Variants in KCNH1 observed in about 807,000 individuals in gnomAD.
KCNH1 encodes potassium voltage-gated channel subfamily H member 1, also known as voltage-gated delayed rectifier potassium channel KCNH1.
A neutral mutation model predicts 69.2 loss-of-function variants in KCNH1; 27 were observed. The ratio of observed to expected loss-of-function variants is 0.39; its 90% CI spans 0.29 to 0.54. The LOEUF (loss-of-function observed/expected upper bound fraction) is 0.54, where lower values mean the gene tolerates loss of function less well. Ranked by LOEUF, KCNH1 falls within the 20% of genes least tolerant of loss-of-function variation. KCNH1 has a pLI of 0.68. For synonymous variants in KCNH1, 456 were observed against 487.7 expected (o/e 0.93, Z 0.86); for missense variants, 798 against 1,261.6 (o/e 0.63, Z 5.57).
chr1:210,776,606 C>G (rs1683866014), intron 9 of KCNH1, among the ~76,000 whole-genome samples: 1 of 152,160 alleles, frequency 6.6e-6, no homozygotes, highest in South Asian at 2.1e-4. Context: ...AGTAGGCAGT[C>G]TGCAAACCAG....
chr1:210,801,846 C>G (rs1684434794), intron 8 of KCNH1, among the ~76,000 whole-genome samples: 2 of 152,230 alleles, frequency 1.3e-5, no homozygotes, highest in South Asian at 4.1e-4. Context: ...TCAGCTCCAG[C>G]CGATACCCTG....
At chr1:210,792,344 C>T (rs185776203) in intron 9 of KCNH1, among the ~76,000 whole-genome samples, 17 of 152,310 alleles carry the variant, frequency 1.1e-4, no homozygotes, top group Admixed American at 5.2e-4. Flanking sequence ...ACAAGATAGT[C>T]TTACTCCGGA....
intron 6 of KCNH1, among the ~76,000 whole-genome samples, chr1:210,998,495 C>T (rs933407440): frequency 2.0e-5 from 3 of 152,164 alleles, no homozygotes; most frequent in Non-Finnish European, 4.4e-5. Flanking sequence ...AACACAGGAG[C>T]ACCCAGATTC....
At chr1:210,953,218 G>A (rs1688096584) in intron 6 of KCNH1, among the ~76,000 whole-genome samples, 1 of 152,066 alleles carries the variant, frequency 6.6e-6, no homozygotes, top group Non-Finnish European at 1.5e-5. Context: ...CTATCTTAAG[G>A]AACTCTATCA....
At chr1:210,766,769 C>T (rs1257276825) in intron 10 of KCNH1, among the ~76,000 whole-genome samples, 1 of 152,140 alleles carries the variant, frequency 6.6e-6, no homozygotes, top group African/African-American at 2.4e-5. Flanking sequence ...AAACCAAAAC[C>T]GCGTGGACCT....
At chr1:211,101,646 C>T (rs953896015) in intron 3 of KCNH1, among the ~76,000 whole-genome samples, 1 of 152,158 alleles carries the variant, frequency 6.6e-6, no homozygotes, top group African/African-American at 2.4e-5. Flanking sequence ...TCCCCCTAAG[C>T]AGGGTATAGC....
intron 7 of KCNH1, among the ~76,000 whole-genome samples, chr1:210,818,907 G>A (rs1684872134): frequency 6.6e-6 from 1 of 152,182 alleles, no homozygotes; most frequent in African/African-American, 2.4e-5. Context: ...AGAAGTGGGT[G>A]AGCAAGTAGA....
intron 10 of KCNH1, among the ~76,000 whole-genome samples, chr1:210,751,427 T>G (rs1683282381): frequency 6.6e-6 from 1 of 152,066 alleles, no homozygotes; most frequent in Admixed American, 6.5e-5. Flanking sequence ...AAAATTCAAT[T>G]TTAAGAATTT....
chr1:211,078,621 A>G (rs549647493), intron 5 of KCNH1, among the ~76,000 whole-genome samples: 67 of 152,306 alleles, frequency 4.4e-4, no homozygotes, highest in Non-Finnish European at 8.4e-4. Context: ...TTAAAGCAGT[A>G]TGTAGAGGGA....
intron 7 of KCNH1, among the ~76,000 whole-genome samples, chr1:210,917,267 G>GA (rs1391276217): frequency 3.4e-5 from 5 of 145,662 alleles, no homozygotes; most frequent in African/African-American, 1.3e-4. Context: ...AAGAAAGAAA[G>GA]AAAGAAAGAA....
At chr1:211,122,313 T>C (rs1020498584) in intron 1 of KCNH1, among the ~76,000 whole-genome samples, 5 of 151,956 alleles carry the variant, frequency 3.3e-5, no homozygotes, top group African/African-American at 1.2e-4. Context: ...GGTTACTAAA[T>C]AGTCAAGAAA....
rs1173149230 is a variant in KCNH1 at position 211,103,577 on chromosome 1, TATCA to T, written c.225_228del (p.Asp76LysfsTer16). The T allele has an allele frequency of 6.2e-7, 1 of 1,613,038 alleles. No homozygotes were observed. ...TGCCGCACTTTTTCAATCGTGTCTT[TATCA>T]GTCAGCTCCCCATACATAAAACTGC... On this transcript the variant is annotated frameshift_variant, in exon 3 of 11. Coordinates refer to ENST00000271751, the MANE Select transcript of KCNH1 (RefSeq NM_172362.3). LOFTEE classifies it high-confidence loss of function.
intron 9 of KCNH1, among the ~76,000 whole-genome samples, chr1:210,781,425 T>C (rs1683982031): frequency 6.6e-6 from 1 of 152,074 alleles, no homozygotes; most frequent in Admixed American, 6.6e-5. Context: ...CCTCATGCCA[T>C]TTCAGGACAA....
chr1:210,727,526 G>T (rs1313879894), intron 10 of KCNH1, among the ~76,000 whole-genome samples: 2 of 152,094 alleles, frequency 1.3e-5, no homozygotes, highest in African/African-American at 4.8e-5. Flanking sequence ...TTGTCCACGA[G>T]GAAATAGTGG....
At chr1:210,931,472 C>T (rs911129644) in intron 6 of KCNH1, among the ~76,000 whole-genome samples, 12 of 151,878 alleles carry the variant, frequency 7.9e-5, no homozygotes, top group African/African-American at 1.5e-4. Flanking sequence ...ACTATGAGGA[C>T]GCAAAGGCCT....
At chr1:210,843,311 T>C (rs1288189127) in intron 7 of KCNH1, among the ~76,000 whole-genome samples, 1 of 152,182 alleles carries the variant, frequency 6.6e-6, no homozygotes, top group East Asian at 1.9e-4. Flanking sequence ...GTGCTCTATA[T>C]GCTGAGCAAT....
At chr1:210,772,676 G>GT (rs1276345297) in intron 10 of KCNH1, among the ~76,000 whole-genome samples, 3 of 152,074 alleles carry the variant, frequency 2.0e-5, no homozygotes, top group African/African-American at 7.2e-5. Flanking sequence ...CTTCCACAAT[G>GT]TTTCTGAATA....
At chr1:210,888,809 T>G (rs1335675113) in intron 7 of KCNH1, among the ~76,000 whole-genome samples, 6 of 151,810 alleles carry the variant, frequency 4.0e-5, no homozygotes, top group Non-Finnish European at 8.8e-5. Flanking sequence ...AATCTGGAAG[T>G]GGATAAATTC....
intron 6 of KCNH1, among the ~76,000 whole-genome samples, chr1:211,015,595 G>A (rs12760791): frequency 0.35 from 53,810 of 151,988 alleles, 9,909 homozygotes; most frequent in Non-Finnish European, 0.38. Flanking sequence ...AGCTTCTGGA[G>A]GTAAGACTAA....
Sources: allele counts gnomAD v4.1 joint callset (sites outside exome capture counted in the v4.1 genomes callset), GRCh38; gene constraint gnomAD v4.1.1; transcripts MANE v1.5; gene names NCBI Gene and HGNC (gene_info 2026-07-23, HGNC 2026-07-21).